Variants in HAUS3 observed in about 807,000 individuals in gnomAD.
HAUS3 encodes the protein HAUS augmin like complex subunit 3.
Under a neutral mutation model 55.2 loss-of-function variants are expected in HAUS3, and 36 were observed. The observed-to-expected ratio is 0.65, with a 90% CI of 0.50 to 0.86. The LOEUF (loss-of-function observed/expected upper bound fraction) is 0.86, where lower values mean the gene tolerates loss of function less well. Ranked by LOEUF, HAUS3 falls within the 40% of genes least tolerant of loss-of-function variation. The probability of loss-of-function intolerance (pLI) is 0.00; values close to 1 mark genes in which losing one functional copy is unlikely to be tolerated. For missense variants in HAUS3, 752 were observed against 671.5 expected, an observed-to-expected ratio of 1.12 and a Z score of -1.33; for synonymous variants, 234 against 238.6, an observed-to-expected ratio of 0.98 and a Z score of 0.18.
chr4:2,233,393 T>C (rs993040961), intron 5 of HAUS3, among the ~76,000 whole-genome samples: 1 of 152,132 alleles, frequency 6.6e-6, no homozygotes, highest in African/African-American at 2.4e-5. Flanking sequence ...TACCCACTGA[T>C]AAGATTAGAG....
chr4:2,238,831 T>C lies in HAUS3; in HGVS notation c.1122A>G (p.Leu374=), dbSNP rs762675689. 6.2e-7 allele frequency: 1 copy of C among 1,613,374 alleles called. No homozygotes were observed. The highest frequency in any genetic ancestry group is 1.1e-5 in the South Asian group (1 of 91,064). The change falls in exon 4 of 6, where the codon TTA becomes TTG. Residue 374 remains leucine (L), a synonymous_variant. Coordinates refer to ENST00000443786, the MANE Select transcript of HAUS3 (RefSeq NM_001303143.2). The stretch of plus-strand genomic sequence containing the variant: ...ATGCCTTTTGTTTTATTAATTGATT[T>C]AAAACTAACTCTTGTCTTGCTGTAT... ...DYYTARQELV[L]NQLIKQKASF...
intron 4 of HAUS3, 24 bp downstream of exon 4, chr4:2,238,580 A>T (rs746520264): frequency 7.8e-6 from 11 of 1,415,402 alleles, no homozygotes; most frequent in Non-Finnish European, 9.5e-6. Flanking sequence ...AATATTTACT[A>T]AAGAAACAAT....
chr4:2,241,342 T>C (rs990395634), intron 2 of HAUS3, among the ~76,000 whole-genome samples, 178 bp downstream of exon 2: 1 of 152,164 alleles, frequency 6.6e-6, no homozygotes, highest in African/African-American at 2.4e-5. Context: ...TTTCCAAAGA[T>C]AAAATGGTTT....
Position 2,240,357 on chromosome 4 carries a change from T to C in HAUS3, c.590A>G (p.Gln197Arg), listed in dbSNP as rs769192264. The C allele has an allele frequency of 5.6e-6, 9 of 1,602,292 alleles. No homozygotes were observed. Among genetic ancestry groups the C allele is most frequent in the Non-Finnish European group, 7.7e-6 (9 of 1,172,838 alleles). ...ACTTAGGTATTTTTCCAAGGAAAAT[T>C]GCGATAAAAATACCAGTGGATTTGT... ...QGTNPLVFLS[Q>R]FSLEKYLSQE... The change falls in exon 3 of 6, where the codon CAA becomes CGA. Residue 197 changes from glutamine (Q) to arginine (R), a missense_variant. Coordinates refer to ENST00000443786, the MANE Select transcript of HAUS3 (RefSeq NM_001303143.2).
intron 5 of HAUS3, among the ~76,000 whole-genome samples, chr4:2,234,751 T>C (rs1156746683): frequency 1.3e-5 from 2 of 152,244 alleles, no homozygotes; most frequent in African/African-American, 2.4e-5. Context: ...ATAGTCATTA[T>C]GTAATGCTAA....
chr4:2,230,571 T>TA lies in HAUS3; in HGVS notation c.*1355dup, dbSNP rs1223274214. 6.6e-6 allele frequency: 1 copy of TA among 151,900 alleles called. No individual in the cohort carries two copies. Among genetic ancestry groups the TA allele is most frequent in the Admixed American group, 6.6e-5 (1 of 15,222 alleles). 9.4% of individuals were successfully genotyped at this position (151,900 alleles called of 1,614,324 possible). A position where few individuals can be genotyped will look rare whatever the true frequency, so the allele number is the denominator to read the frequency against. On this transcript the variant is annotated 3_prime_UTR_variant, in exon 6 of 6. Transcript: ENST00000443786. ...GGTTTACATAAAATTTTAAATAACATAAACACAATAATTGGCAAAATATTT... is the reference window on the plus strand; with the variant it reads ...GGTTTACATAAAATTTTAAATAACATAAAACACAATAATTGGCAAAATATTT...
chr4:2,237,099 C>T (rs1306973269), intron 4 of HAUS3, among the ~76,000 whole-genome samples: 1 of 151,986 alleles, frequency 6.6e-6, no homozygotes, highest in East Asian at 1.9e-4. Flanking sequence ...CTTCAAAGTG[C>T]ACTTCAGAGA....
At position 2,229,452 on chromosome 4, in the gene HAUS3, AATAG is replaced by A. The variant is rs1462263713; in HGVS notation, c.*2471_*2474del. 5.2e-6 allele frequency: 2 copies of A among 386,848 alleles called. No individual in the cohort carries two copies. The highest frequency in any genetic ancestry group is 9.1e-6 in the Non-Finnish European group (2 of 220,098). The allele number at this position is 386,848 out of a possible 1,614,324, so 24.0% of individuals were successfully genotyped here. A position where few individuals can be genotyped will look rare whatever the true frequency, so the allele number is the denominator to read the frequency against. On this transcript the variant is annotated 3_prime_UTR_variant, in exon 6 of 6. Transcript: ENST00000443786. Reference sequence around the variant, plus strand: ...GAGGCTTAATCCAGGTATCATAGTAAATAGATAACTTATTTTCTAGGTGACCAAT... The same window carrying A: ...GAGGCTTAATCCAGGTATCATAGTAAATAACTTATTTTCTAGGTGACCAAT...
At chr4:2,234,653 T>C (rs1734694529) in intron 5 of HAUS3, among the ~76,000 whole-genome samples, 1 of 152,120 alleles carries the variant, frequency 6.6e-6, no homozygotes, top group Non-Finnish European at 1.5e-5. Flanking sequence ...AAGAAAACTA[T>C]ATGCCTTACA....
intron 5 of HAUS3, among the ~76,000 whole-genome samples, chr4:2,234,788 C>A (rs1577796215): frequency 1.3e-5 from 2 of 152,124 alleles, no homozygotes; most frequent in African/African-American, 4.8e-5. Flanking sequence ...CAATTTAAAA[C>A]GACCAGGATA....
At chr4:2,238,439 A>G (rs2108779693) in intron 4 of HAUS3, among the ~76,000 whole-genome samples, 165 bp downstream of exon 4, 1 of 149,756 alleles carries the variant, frequency 6.7e-6, no homozygotes, top group Middle Eastern at 3.4e-3. Flanking sequence ...CAAAAAAACT[A>G]AAAATGAAAA....
At chr4:2,233,829 G>C (rs3774) in intron 5 of HAUS3, among the ~76,000 whole-genome samples, 1 of 152,126 alleles carries the variant, frequency 6.6e-6, no homozygotes, top group South Asian at 2.1e-4. Flanking sequence ...ATGATGGCGT[G>C]CCATATGGTC....
At position 2,236,277 on chromosome 4, in the gene HAUS3, A is replaced by G; in HGVS notation, c.1529T>C (p.Leu510Pro). The change falls in exon 5 of 6, where the codon CTT (leucine) becomes CCT (proline). Residue 510 changes from leucine to proline, a missense_variant. Physicochemically the swap from Leu to Pro is moderately conservative, Grantham distance 98. Transcript: ENST00000443786. Reference sequence around the variant, plus strand: ...TCCTCCTTGATACAAAGTATCACAAAGCATGTCCACATCCTTATTCCGTTT... The same window carrying G: ...TCCTCCTTGATACAAAGTATCACAAGGCATGTCCACATCCTTATTCCGTTT... ...LSKRNKDVDMLCDTLYQGGNQ... is the reference protein window; with the variant it reads ...LSKRNKDVDMPCDTLYQGGNQ... The G allele has an allele frequency of 6.2e-7, 1 of 1,613,766 alleles. No individual in the cohort carries two copies. Among genetic ancestry groups the G allele is most frequent in the Non-Finnish European group, 8.5e-7 (1 of 1,179,888 alleles).
chr4:2,237,198 T>C (rs1463002641), intron 4 of HAUS3, among the ~76,000 whole-genome samples: 2 of 151,854 alleles, frequency 1.3e-5, no homozygotes, highest in African/African-American at 4.8e-5. Flanking sequence ...AATCCCAGTA[T>C]TGTGGGAGGG....
Position 2,240,171 on chromosome 4 carries a change from C to A in HAUS3, c.776G>T (p.Arg259Leu). 2 of 1,613,942 alleles carry A rather than the reference C, an allele frequency of 1.2e-6. No individual in the cohort carries two copies. The highest frequency in any genetic ancestry group is 1.6e-4 in the Middle Eastern group (1 of 6,062). ...CDNQEILEERRLEMARLQLAY... is the reference protein window; with the variant it reads ...CDNQEILEERLLEMARLQLAY... ...GAGCTGCAGTCTAGCCATCTCTAGT[C>A]GTCTCTCCTCAAGGATTTCTTGATT... The change falls in exon 3 of 6, where the codon CGA (arginine) becomes CTA (leucine). Residue 259 changes from arginine (R) to leucine (L), a missense_variant. Transcript: ENST00000443786.
chr4:2,229,062 G>A lies in HAUS3; in HGVS notation c.*2865C>T. On this transcript the variant is annotated 3_prime_UTR_variant, in exon 6 of 6. Coordinates refer to ENST00000443786, the MANE Select transcript of HAUS3 (RefSeq NM_001303143.2). ...GTCTTTAGAACAATTAACATTCAAA[G>A]TATCAAGAGAAAGAAAGGTTCATAA... is the stretch of plus-strand genomic sequence containing the variant. 1 of 1,540,628 alleles carries A rather than the reference G, an allele frequency of 6.5e-7. No individual in the cohort carries two copies. Among genetic ancestry groups the A allele is most frequent in the Middle Eastern group, 1.7e-4 (1 of 5,818 alleles).
rs996048811 is a variant in HAUS3, at chr4:2,236,256, C to T, written c.1550G>A (p.Gly517Glu). The T allele has an allele frequency of 3.1e-6, 5 of 1,611,512 alleles. No individual in the cohort carries two copies. Among genetic ancestry groups the T allele is most frequent in the Non-Finnish European group, 3.4e-6 (4 of 1,178,140 alleles). Residue 517 changes from glycine to glutamate, a missense_variant, in exon 5 of 6, where the codon GGA becomes GAA. Transcript: ENST00000443786. ...VDMLCDTLYQ[G>E]GNQLLLSDQE... ...ATCACTAAGCAAAAGCTGATTTCCT[C>T]CTTGATACAAAGTATCACAAAGCAT...
chr4:2,231,284 C>A lies in HAUS3; in HGVS notation c.*643G>T, dbSNP rs966219113. ...AGGTCTACAGATTTAAAAATGCTGA[C>A]TAGAAGTTCTACACATTTTAAAATA... On this transcript the variant is annotated 3_prime_UTR_variant, in exon 6 of 6. Transcript: ENST00000443786. 2 of 152,204 alleles carry A rather than the reference C, an allele frequency of 1.3e-5. No individual in the cohort carries two copies. Among genetic ancestry groups the A allele is most frequent in the African/African-American group, 2.4e-5 (1 of 41,440 alleles). The allele number at this position is 152,204 out of a possible 1,614,324, so 9.4% of individuals were successfully genotyped here. A position where few individuals can be genotyped will look rare whatever the true frequency, so the allele number is the denominator to read the frequency against.
In HAUS3 at chr4:2,232,073, T is replaced by C. The variant is rs778982396; in HGVS notation, c.1666A>G (p.Lys556Glu). 2 of 1,601,612 alleles carry C rather than the reference T, an allele frequency of 1.2e-6. No individual in the cohort carries two copies. Among genetic ancestry groups the C allele is most frequent in the Non-Finnish European group, 8.5e-7 (1 of 1,172,570 alleles). Residue 556 changes from lysine to glutamate, a missense_variant, in exon 6 of 6, where the codon AAA becomes GAA. Transcript: ENST00000443786. ...TTATTATTTGCCAAAGTTTTTCTTT[T>C]TGTCTTCACATCAGCAAGAATATCA... ...LTDILADVKT[K>E]RKTLANNKLH... is the part of the protein sequence containing the mutation.
Sources: allele counts gnomAD v4.1 joint callset (sites outside exome capture counted in the v4.1 genomes callset), GRCh38; gene constraint gnomAD v4.1.1; transcripts MANE v1.5; gene names NCBI Gene and HGNC (gene_info 2026-07-23, HGNC 2026-07-21).